The following UGT2A3 variants were observed in gnomAD, a reference collection of about 807,000 sequenced individuals.
UGT2A3 encodes the protein UDP-glucuronosyltransferase 2A3.
In UGT2A3, 55 loss-of-function variants were observed where a neutral mutation model predicts 44.1. The observed-to-expected ratio is 1.25, with a 90% CI of 1.00 to 1.56. The LOEUF (loss-of-function observed/expected upper bound fraction) is 1.56. Ranked by LOEUF, UGT2A3 falls within the 40% of genes most tolerant of loss-of-function variation. The pLI, the probability that UGT2A3 is intolerant of heterozygous loss-of-function variation, is 0.00. For missense variants in UGT2A3, 733 were observed against 621.6 expected, an observed-to-expected ratio of 1.18 and a Z score of -1.91; for synonymous variants, 243 against 215.1, an observed-to-expected ratio of 1.13 and a Z score of -1.13.
At chr4:68,935,427 G>A (rs1375914855) in intron 2 of UGT2A3, among the ~76,000 whole-genome samples, 1 of 151,314 alleles carries the variant, frequency 6.6e-6, no homozygotes, top group Non-Finnish European at 1.5e-5. Context: ...AGGGTCTGGA[G>A]TGGACCTCCA....
chr4:68,944,849 T>C (rs983340298), intron 2 of UGT2A3, among the ~76,000 whole-genome samples: 3 of 151,790 alleles, frequency 2.0e-5, no homozygotes, highest in Non-Finnish European at 4.4e-5. Flanking sequence ...ATTGAAATTT[T>C]CTTTTATTCT....
intron 1 of UGT2A3, among the ~76,000 whole-genome samples, chr4:68,946,990 A>G (rs1304438466): frequency 3.3e-5 from 5 of 151,580 alleles, no homozygotes; most frequent in Admixed American, 3.3e-4. Context: ...TTTTATTTTT[A>G]TTTTTTCTGG....
rs1718160405 is a variant in UGT2A3 at position 68,940,835 on chromosome 4, C to T, written c.864+4471G>A. Among the ~76,000 whole-genome samples the T allele has an allele frequency of 2.7e-5, 4 of 149,334 alleles. No individual in the cohort carries two copies. In the South Asian group the frequency reaches 8.4e-4, roughly 32 times the overall value. ...CATAGATATCACCAAAACAGTATGG[C>T]AGTGGCATGAAAACAGATACATACA... On this transcript the variant is annotated intron_variant, in intron 2 of 5. Transcript: ENST00000251566.
At position 68,951,262 on chromosome 4, in the gene UGT2A3, CAA is replaced by C. The variant is rs748491129; in HGVS notation, c.497_498del (p.Phe166CysfsTer5). The C allele has an allele frequency of 1.2e-6, 2 of 1,611,646 alleles. No individual in the cohort carries two copies. The highest frequency in any genetic ancestry group is 4.5e-5 in the East Asian group (2 of 44,658). The stretch of plus-strand genomic sequence containing the variant: ...CCTACAGAAATTCTAAGTGTGAGCA[CAA>C]AAGGGACTGCAAGCAACTCAGCCAT... ...DLMAELLAVP[F>X]VLTLRISVGG... On this transcript the variant is annotated frameshift_variant, in exon 1 of 6. Transcript: ENST00000251566. LOFTEE classifies it high-confidence loss of function.
At chr4:68,930,415 A>C (rs1717685780) in intron 5 of UGT2A3, 131 bp downstream of exon 5, 1 of 895,946 alleles carries the variant, frequency 1.1e-6, no homozygotes, top group East Asian at 2.5e-5. Flanking sequence ...TTCCAGTAAC[A>C]AGGTGATGAA....
At chr4:68,941,356 T>G (rs1411168480) in intron 2 of UGT2A3, among the ~76,000 whole-genome samples, 1 of 151,904 alleles carries the variant, frequency 6.6e-6, no homozygotes, top group Non-Finnish European at 1.5e-5. Flanking sequence ...GCTAACTGAC[T>G]TTTGACAAAG....
intron 1 of UGT2A3, among the ~76,000 whole-genome samples, chr4:68,950,510 T>C (rs1337005489): frequency 1.3e-5 from 2 of 151,902 alleles, no homozygotes; most frequent in Admixed American, 6.6e-5. Context: ...AGTAGGTGTA[T>C]ATCAGTAAAG....
Position 68,951,530 on chromosome 4 carries a change from G to A in UGT2A3, c.231C>T (p.Val77=), listed in dbSNP as rs1718593465. The A allele has an allele frequency of 6.2e-7, 1 of 1,612,890 alleles. No individual in the cohort carries two copies. The highest frequency in any genetic ancestry group is 8.5e-7 in the Non-Finnish European group (1 of 1,179,384). The change falls in exon 1 of 6, where the codon GTC becomes GTT. Residue 77 remains valine (V), a synonymous_variant. Transcript: ENST00000251566. ...RKPSALKFEV[V]HMPQDRTEEN... is the part of the protein sequence containing the mutation. ...CTTCTGTTCTGTCCTGTGGCATATG[G>A]ACCACCTCAAATTTCAATGCAGAAG...
chr4:68,940,917 T>C (rs917784189), intron 2 of UGT2A3, among the ~76,000 whole-genome samples: 6 of 151,626 alleles, frequency 4.0e-5, no homozygotes, highest in African/African-American at 1.5e-4. Context: ...ACTGCTGCCA[T>C]AGTATGGATA....
At position 68,951,470 on chromosome 4, in the gene UGT2A3, G is replaced by A. The variant is rs376247321; in HGVS notation, c.291C>T (p.Val97=). 2.5e-6 allele frequency: 4 copies of A among 1,612,524 alleles called. No individual in the cohort carries two copies. Among genetic ancestry groups the A allele is most frequent in the Admixed American group, 1.7e-5 (1 of 59,786 alleles). The part of the protein sequence containing the change: ...NEIFVDLALN[V]LPGLSTWQSV... ...ATTGCCAGGTTGATAAGCCTGGCAA[G>A]ACATTCAGAGCTAGGTCAACAAATA... The change falls in exon 1 of 6, where the codon GTC becomes GTT. Residue 97 remains valine, a synonymous_variant. Coordinates refer to ENST00000251566, the MANE Select transcript of UGT2A3 (RefSeq NM_024743.4).
Position 68,928,807 on chromosome 4 carries a change from A to T in UGT2A3, c.*1006T>A, listed in dbSNP as rs1237483723. 2 of 151,958 alleles carry T rather than the reference A, an allele frequency of 1.3e-5. No homozygotes were observed. The highest frequency in any genetic ancestry group is 2.9e-5 in the Non-Finnish European group (2 of 67,936). The allele number at this position is 151,958 out of a possible 1,614,324, so 9.4% of individuals were successfully genotyped here. Reference sequence around the variant, plus strand: ...CTATTTGTTATGCAGGTTTTCTAATACCTTAAATTTTTACTATGTAAGCAA... The same window carrying T: ...CTATTTGTTATGCAGGTTTTCTAATTCCTTAAATTTTTACTATGTAAGCAA... On this transcript the variant is annotated 3_prime_UTR_variant, in exon 6 of 6. Transcript: ENST00000251566.
At chr4:68,945,480 ATTAGCATACAATTCAAAT>A in intron 1 of UGT2A3, 26 bp from the exon 2 acceptor site, 1 of 1,550,330 alleles carries the variant, frequency 6.5e-7, no homozygotes, top group Non-Finnish European at 8.7e-7. Flanking sequence ...AACAGAATGA[ATTAGCATACAATTCAAAT>A]AAAAAATTGT....
chr4:68,936,888 C>CAAAAAAAAAAAAAAAAAAAA (rs56737078), intron 2 of UGT2A3, among the ~76,000 whole-genome samples: 3 of 46,338 alleles, frequency 6.5e-5, no homozygotes, highest in Admixed American at 3.3e-4. Context: ...AAATGGAAAG[C>CAAAAAAAAAAAAAAAAAAAA]AAAAAAAAAA....
Position 68,945,392 on chromosome 4 carries a change from A to G in UGT2A3, c.778T>C (p.Trp260Arg). The stretch of plus-strand genomic sequence containing the variant: ...TATGGTTGAGGAAATTCAAAATCCC[A>G]ATATGTTCGTATTAGCCATATCTCA... Reference protein sequence around the residue: ...KAEIWLIRTYWDFEFPQPYQP... With the variant: ...KAEIWLIRTYRDFEFPQPYQP... The change falls in exon 2 of 6, where the codon TGG (tryptophan) becomes CGG (arginine). Residue 260 changes from tryptophan (W) to arginine (R), a missense_variant. Coordinates refer to ENST00000251566, the MANE Select transcript of UGT2A3 (RefSeq NM_024743.4). 6.2e-7 allele frequency: 1 copy of G among 1,611,458 alleles called. No individual in the cohort carries two copies. Among genetic ancestry groups the G allele is most frequent in the South Asian group, 1.1e-5 (1 of 90,974 alleles).
intron 2 of UGT2A3, among the ~76,000 whole-genome samples, chr4:68,936,862 G>A (rs1017245233): frequency 9.8e-6 from 1 of 101,678 alleles, no homozygotes; most frequent in East Asian, 2.7e-4. Context: ...AAGTGATAAA[G>A]GAAGATCTAC....
chr4:68,945,565 A>T (rs930529219), intron 1 of UGT2A3, 111 bp from the exon 2 acceptor site: 2 of 730,684 alleles, frequency 2.7e-6, no homozygotes, highest in Admixed American at 3.7e-5. Context: ...CCTCTAGAAC[A>T]ACATGGCTTT....
chr4:68,935,286 A>ATG (rs1213396467), intron 2 of UGT2A3, among the ~76,000 whole-genome samples: 834 of 76,152 alleles, frequency 0.011, 29 homozygotes, highest in Non-Finnish European at 0.014. Context: ...GTATATATAT[A>ATG]TATATATATA....
chr4:68,941,065 T>C lies in UGT2A3; in HGVS notation c.864+4241A>G, dbSNP rs577907583. ...GCCTGGGAGGCGAATTTTTACTCTA[T>C]TAGTTCCCAGAAGAGCTAGTTGTTT... is the stretch of plus-strand genomic sequence containing the variant. On this transcript the variant is annotated intron_variant, in intron 2 of 5. Coordinates refer to ENST00000251566, the MANE Select transcript of UGT2A3 (RefSeq NM_024743.4). Among the ~76,000 whole-genome samples the C allele has an allele frequency of 2.4e-4, 36 of 151,834 alleles. 1 individual carries two copies. In the South Asian group the frequency reaches 7.0e-3, roughly 30 times the overall value.
chr4:68,946,437 T>C (rs944322696), intron 1 of UGT2A3, among the ~76,000 whole-genome samples: 8 of 151,620 alleles, frequency 5.3e-5, no homozygotes, highest in African/African-American at 1.7e-4. Flanking sequence ...TTACTGAAGA[T>C]ACTCAGTTTG....
Sources: gnomAD v4.1 joint callset for allele counts (sites outside exome capture counted in the v4.1 genomes callset) on GRCh38, gnomAD v4.1.1 for gene constraint, MANE v1.5 for transcripts, NCBI Gene and HGNC (gene_info 2026-07-23, HGNC 2026-07-21) for gene names.